Variants in SEMA3C observed in about 807,000 individuals in gnomAD.
The protein encoded by SEMA3C is semaphorin 3C, also known as semaphorin-3C.
In SEMA3C, 47 loss-of-function variants were observed where a neutral mutation model predicts 89.4. That is an observed-to-expected ratio of 0.53 (90% CI 0.42 to 0.67). The LOEUF is 0.67. Among genes scored for constraint, SEMA3C ranks in the 30% least tolerant of loss-of-function variants. The pLI is 0.00. For synonymous variants in SEMA3C, 310 were observed against 320.2 expected (o/e 0.97, Z 0.34); for missense variants, 839 against 929.1 (o/e 0.90, Z 1.26).
intron 12 of SEMA3C, among the ~76,000 whole-genome samples, chr7:80,779,635 A>T (rs1193367158): frequency 6.6e-6 from 1 of 152,126 alleles, no homozygotes; most frequent in African/African-American, 2.4e-5. Context: ...CGTGAAAATG[A>T]TCTACCTAAA....
In SEMA3C at chr7:80,916,738, C is replaced by T. The variant is rs372822667; in HGVS notation, c.44G>A (p.Cys15Tyr). The T allele has an allele frequency of 1.2e-6, 2 of 1,613,414 alleles. No individual in the cohort carries two copies. Among genetic ancestry groups the T allele is most frequent in the Non-Finnish European group, 1.7e-6 (2 of 1,179,710 alleles). Reference protein sequence around the residue: ...TICVLVGVFICSICVKGSSQP... With the variant: ...TICVLVGVFIYSICVKGSSQP... ...GGAAGATCCTTTCACACAGATAGAACAAATAAATACTCCAACCAACACGCA... is the reference window on the plus strand; with the variant it reads ...GGAAGATCCTTTCACACAGATAGAATAAATAAATACTCCAACCAACACGCA... Residue 15 changes from cysteine (C) to tyrosine (Y), a missense_variant, in exon 2 of 18, where the codon TGT becomes TAT. Coordinates refer to ENST00000265361, the MANE Select transcript of SEMA3C (RefSeq NM_006379.5).
At chr7:80,866,054 T>C (rs1173437121) in intron 2 of SEMA3C, among the ~76,000 whole-genome samples, 1 of 152,222 alleles carries the variant, frequency 6.6e-6, no homozygotes, top group Non-Finnish European at 1.5e-5. Context: ...ATCGTTTAAA[T>C]AACCTTTATG....
intron 17 of SEMA3C, among the ~76,000 whole-genome samples, 166 bp from the exon 18 acceptor site, chr7:80,745,473 CT>C (rs113677262): frequency 4.8e-5 from 7 of 147,164 alleles, no homozygotes; most frequent in East Asian, 2.0e-4. Context: ...GTTCCATTGC[CT>C]TTTTTTTTTT....
chr7:80,916,858 C>A (rs758358574), intron 1 of SEMA3C, 39 bp from the exon 2 acceptor site: 2 of 1,572,142 alleles, frequency 1.3e-6, no homozygotes, highest in Non-Finnish European at 1.7e-6. Flanking sequence ...TATCTCATTT[C>A]ACATTTTAGG....
At chr7:80,844,984 G>A (rs530177340) in intron 2 of SEMA3C, among the ~76,000 whole-genome samples, 7 of 152,198 alleles carry the variant, frequency 4.6e-5, no homozygotes, top group African/African-American at 1.4e-4. Context: ...TGATCTCGCC[G>A]CTTGAGGAGA....
chr7:80,905,103 T>G (rs1342037117), intron 2 of SEMA3C, among the ~76,000 whole-genome samples: 2 of 150,366 alleles, frequency 1.3e-5, no homozygotes, highest in African/African-American at 4.9e-5. Flanking sequence ...TTTCTTGAGG[T>G]AATGTTGTTT....
chr7:80,873,820 C>A (rs1258333690), intron 2 of SEMA3C, among the ~76,000 whole-genome samples: 2 of 152,128 alleles, frequency 1.3e-5, no homozygotes, highest in African/African-American at 4.8e-5. Flanking sequence ...CCAGTTGTTG[C>A]ATGGAAAACA....
At chr7:80,899,098 T>G (rs562827917) in intron 2 of SEMA3C, among the ~76,000 whole-genome samples, 18 of 152,298 alleles carry the variant, frequency 1.2e-4, no homozygotes, top group African/African-American at 4.3e-4. Flanking sequence ...TGAAGTGCAG[T>G]GGCATGATCT....
At chr7:80,868,014 T>A (rs190548780) in intron 2 of SEMA3C, among the ~76,000 whole-genome samples, 1 of 152,330 alleles carries the variant, frequency 6.6e-6, no homozygotes, top group African/African-American at 2.4e-5. Flanking sequence ...GAAAACCAGA[T>A]GACTTAATTG....
chr7:80,859,791 C>A (rs1790727875), intron 2 of SEMA3C, among the ~76,000 whole-genome samples: 2 of 152,114 alleles, frequency 1.3e-5, no homozygotes, highest in African/African-American at 4.8e-5. Flanking sequence ...TTGGTGATGA[C>A]AGCTCAGTGG....
At chr7:80,864,784 C>A (rs1790886784) in intron 2 of SEMA3C, among the ~76,000 whole-genome samples, 1 of 152,138 alleles carries the variant, frequency 6.6e-6, no homozygotes, top group Non-Finnish European at 1.5e-5. Context: ...CTACTCAATA[C>A]CTCTTCTTGA....
chr7:80,921,699 G>A (rs1792412138), upstream of SEMA3C, among the ~76,000 whole-genome samples: 1 of 152,132 alleles, frequency 6.6e-6, no homozygotes. Context: ...CGTTTCAGAC[G>A]AGCGGCCAAA....
rs973683946 is a variant in SEMA3C, at chr7:80,743,107, G to A, written c.*1787C>T. 5.9e-5 allele frequency: 9 copies of A among 151,864 alleles called. No homozygotes were observed. Among genetic ancestry groups the A allele is most frequent in the Non-Finnish European group, 1.2e-4 (8 of 67,828 alleles). The allele number at this position is 151,864 out of a possible 1,614,324, so 9.4% of individuals were successfully genotyped here. A position where few individuals can be genotyped will look rare whatever the true frequency, so the allele number is the denominator to read the frequency against. On this transcript the variant is annotated 3_prime_UTR_variant, in exon 18 of 18. Coordinates refer to ENST00000265361, the MANE Select transcript of SEMA3C (RefSeq NM_006379.5). ...GCTTTACATTGACACATTTCTGTGT[G>A]TCAATGTAGAAGAGAAAAGAAGTTT...
Position 80,802,788 on chromosome 7 carries a change from A to T in SEMA3C, c.802-9T>A. On this transcript the variant is annotated splice_polypyrimidine_tract_variant and intron_variant, in intron 8 of 17. Transcript: ENST00000265361. The stretch of plus-strand genomic sequence containing the variant: ...AGTCCACCAGTGTCATTCTAAAACC[A>T]TTTTGTAAACATAATTCAGATTGCT... 1 of 1,594,956 alleles carries T rather than the reference A, an allele frequency of 6.3e-7. No homozygotes were observed. The highest frequency in any genetic ancestry group is 8.6e-7 in the Non-Finnish European group (1 of 1,163,402).
chr7:80,920,945 T>G (rs1335561408), upstream of SEMA3C, among the ~76,000 whole-genome samples: 1 of 152,196 alleles, frequency 6.6e-6, no homozygotes, highest in Non-Finnish European at 1.5e-5. Flanking sequence ...AAGATGAGTG[T>G]GTGGATTAAA....
At chr7:80,902,816 T>C (rs1240394165) in intron 2 of SEMA3C, among the ~76,000 whole-genome samples, 3 of 152,170 alleles carry the variant, frequency 2.0e-5, no homozygotes, top group Non-Finnish European at 1.5e-5. Context: ...CACTTTTCCT[T>C]GTGTGTTGTT....
chr7:80,799,764 G>T (rs1278768011), intron 10 of SEMA3C, among the ~76,000 whole-genome samples: 3 of 151,774 alleles, frequency 2.0e-5, no homozygotes, highest in Admixed American at 2.0e-4. Flanking sequence ...CGAGGCAGAA[G>T]AACTGTTTGA....
upstream of SEMA3C, among the ~76,000 whole-genome samples, chr7:80,919,695 T>C (rs1018446160): frequency 9.9e-5 from 15 of 151,988 alleles, no homozygotes; most frequent in African/African-American, 3.4e-4. Context: ...TTCAAGCGAT[T>C]CTCCTGCCTC....
chr7:80,762,427 G>A (rs907970448), intron 13 of SEMA3C, among the ~76,000 whole-genome samples: 1 of 152,188 alleles, frequency 6.6e-6, no homozygotes, highest in Non-Finnish European at 1.5e-5. Context: ...AAATGTGAAT[G>A]AATGAAAGAA....
Sources: gnomAD v4.1 joint callset for allele counts (sites outside exome capture counted in the v4.1 genomes callset) on GRCh38, gnomAD v4.1.1 for gene constraint, MANE v1.5 for transcripts, NCBI Gene and HGNC (gene_info 2026-07-23, HGNC 2026-07-21) for gene names.